The following ARL15 variants were observed in gnomAD, a reference collection of about 807,000 sequenced individuals.
The protein encoded by ARL15 is ARF like GTPase 15.
In ARL15, 19 loss-of-function variants were observed where a neutral mutation model predicts 25.2. The ratio of observed to expected loss-of-function variants is 0.75; its 90% CI spans 0.53 to 1.10. ARL15 has a LOEUF of 1.10. Ranked by LOEUF, ARL15 falls within the 50% of genes least tolerant of loss-of-function variation. ARL15 has a pLI of 0.00. For synonymous variants in ARL15, 94 were observed against 86.8 expected (o/e 1.08, Z -0.46); for missense variants, 220 against 246.0 (o/e 0.89, Z 0.71).
At chr5:54,246,334 T>G (rs904720252) in intron 1 of ARL15, among the ~76,000 whole-genome samples, 4 of 152,016 alleles carry the variant, frequency 2.6e-5, no homozygotes, top group Non-Finnish European at 5.9e-5. Flanking sequence ...ACTTGCCCAC[T>G]CCCTACATTT....
chr5:53,979,024 T>C (rs1166314124), intron 4 of ARL15, among the ~76,000 whole-genome samples: 1 of 152,206 alleles, frequency 6.6e-6, no homozygotes, highest in Non-Finnish European at 1.5e-5. Flanking sequence ...AGACTTTGTG[T>C]CTTTATCAAG....
intron 4 of ARL15, among the ~76,000 whole-genome samples, chr5:53,962,503 T>TTG (rs745718350): frequency 2.0e-4 from 30 of 152,170 alleles, no homozygotes; most frequent in Non-Finnish European, 4.0e-4. Context: ...CAAGAGTGTG[T>TTG]TGTGTGTGTC....
At chr5:54,301,652 C>T (rs1042730469) in intron 1 of ARL15, among the ~76,000 whole-genome samples, 1 of 152,186 alleles carries the variant, frequency 6.6e-6, no homozygotes, top group Non-Finnish European at 1.5e-5. Context: ...CTCCTGACTC[C>T]ATGTCTATAC....
chr5:54,254,219 G>A (rs1757309863), intron 1 of ARL15, among the ~76,000 whole-genome samples: 1 of 152,174 alleles, frequency 6.6e-6, no homozygotes, highest in African/African-American at 2.4e-5. Flanking sequence ...AAGATCCTTT[G>A]TCAACTAACA....
chr5:54,059,390 G>A (rs1235931692), intron 4 of ARL15, among the ~76,000 whole-genome samples: 2 of 152,304 alleles, frequency 1.3e-5, no homozygotes, highest in Non-Finnish European at 2.9e-5. Flanking sequence ...TGGGTCCTCT[G>A]GTGTTTTTCC....
At chr5:53,918,584 T>C (rs1745733778) in intron 4 of ARL15, among the ~76,000 whole-genome samples, 1 of 152,122 alleles carries the variant, frequency 6.6e-6, no homozygotes, top group Non-Finnish European at 1.5e-5. Flanking sequence ...GTGATTTAGA[T>C]CTGGGGGGTC....
intron 1 of ARL15, among the ~76,000 whole-genome samples, chr5:54,183,211 T>C (rs255683): frequency 0.085 from 4,191 of 49,226 alleles, 419 homozygotes; most frequent in East Asian, 0.83. Flanking sequence ...TGAGAGAGGG[T>C]ATCCCTGTCT....
chr5:54,052,288 A>G, intron 4 of ARL15, among the ~76,000 whole-genome samples: 1 of 152,340 alleles, frequency 6.6e-6, no homozygotes, highest in Middle Eastern at 3.4e-3. Flanking sequence ...ATTAAAAAAA[A>G]TTAACTAGAA....
intron 3 of ARL15, among the ~76,000 whole-genome samples, chr5:54,114,417 A>AAATAATAAAAAT (rs1752835993): frequency 6.7e-6 from 1 of 148,964 alleles, no homozygotes. Context: ...AAAAAAAAAA[A>AAATAATAAAAAT]AAAAAGCAAC....
intron 4 of ARL15, among the ~76,000 whole-genome samples, chr5:54,112,200 A>G (rs185444755): frequency 2.6e-5 from 4 of 152,294 alleles, no homozygotes; most frequent in African/African-American, 7.2e-5. Context: ...TTAAACTTCA[A>G]AGTAAATTAT....
intron 3 of ARL15, among the ~76,000 whole-genome samples, chr5:54,150,901 A>G (rs868454358): frequency 1.3e-5 from 2 of 151,954 alleles, no homozygotes; most frequent in African/African-American, 4.8e-5. Flanking sequence ...AATCATGCAA[A>G]TAATAATGAT....
chr5:54,282,345 G>A (rs1170432188), intron 1 of ARL15: 1 of 985,200 alleles, frequency 1.0e-6, no homozygotes, highest in African/African-American at 1.7e-5. Context: ...ATTAAAATAA[G>A]AATAAGAGAA....
chr5:54,042,923 C>CA (rs949074730), intron 4 of ARL15, among the ~76,000 whole-genome samples: 20 of 149,652 alleles, frequency 1.3e-4, no homozygotes, highest in East Asian at 3.9e-4. Context: ...TATATAGGTT[C>CA]AAAAAAAAAT....
chr5:54,183,846 A>G (rs992584212), intron 1 of ARL15, among the ~76,000 whole-genome samples: 1 of 151,394 alleles, frequency 6.6e-6, no homozygotes, highest in East Asian at 1.9e-4. Context: ...ACTTGGAACC[A>G]ACCCAAATGT....
chr5:54,300,978 C>T (rs1758600092), intron 1 of ARL15, among the ~76,000 whole-genome samples: 1 of 152,194 alleles, frequency 6.6e-6, no homozygotes. Flanking sequence ...GGGTTACTCA[C>T]CCCCAAATTT....
At chr5:54,032,658 G>C (rs909382914) in intron 4 of ARL15, among the ~76,000 whole-genome samples, 10 of 151,946 alleles carry the variant, frequency 6.6e-5, no homozygotes, top group African/African-American at 2.2e-4. Flanking sequence ...TAAGACTATA[G>C]GGTAAGAGAA....
intron 1 of ARL15, among the ~76,000 whole-genome samples, chr5:54,172,845 G>A (rs949278755): frequency 6.6e-6 from 1 of 152,034 alleles, no homozygotes; most frequent in Admixed American, 6.5e-5. Context: ...TGCCTTTCTG[G>A]CCTTTGCTAA....
chr5:53,994,490 C>T (rs1196960493), intron 4 of ARL15, among the ~76,000 whole-genome samples: 1 of 152,160 alleles, frequency 6.6e-6, no homozygotes, highest in East Asian at 1.9e-4. Flanking sequence ...AACAATTATC[C>T]TCTCTGGGGA....
chr5:54,261,605 T>C (rs1195449130), intron 1 of ARL15, among the ~76,000 whole-genome samples: 4 of 152,210 alleles, frequency 2.6e-5, no homozygotes, highest in African/African-American at 9.7e-5. Context: ...TTACAATTTG[T>C]AATGATGTAG....
Sources: allele counts gnomAD v4.1 joint callset (sites outside exome capture counted in the v4.1 genomes callset), GRCh38; gene constraint gnomAD v4.1.1; transcripts MANE v1.5; gene names NCBI Gene and HGNC (gene_info 2026-07-23, HGNC 2026-07-21).